The following DLEU7 variants were observed in gnomAD, a reference collection of about 807,000 sequenced individuals.
The protein encoded by DLEU7 is leukemia-associated protein 7.
DLEU7 carries 17 observed loss-of-function variants against 16.0 expected under a neutral mutation model. That is an observed-to-expected ratio of 1.06 (90% CI 0.73 to 1.59). The LOEUF is 1.59. Ranked by LOEUF, DLEU7 falls within the 40% of genes most tolerant of loss-of-function variation. The pLI, the probability that DLEU7 is intolerant of heterozygous loss-of-function variation, is 0.00. For missense variants in DLEU7, 308 were observed against 314.9 expected (o/e 0.98, Z 0.17); for synonymous variants, 113 against 139.8 (o/e 0.81, Z 1.35).
chr13:50,758,376 C>T (rs185073181), intron 1 of DLEU7, among the ~76,000 whole-genome samples: 1 of 136,774 alleles, frequency 7.3e-6, no homozygotes, highest in East Asian at 2.0e-4. Context: ...CCTTATTTCA[C>T]TCTTGTATTA....
chr13:50,804,932 A>AT (rs934433337), intron 1 of DLEU7, among the ~76,000 whole-genome samples: 3 of 151,754 alleles, frequency 2.0e-5, no homozygotes, highest in Non-Finnish European at 1.5e-5. Flanking sequence ...TTGTTCTAAT[A>AT]TTTTTTTTCA....
At chr13:50,748,900 T>C (rs1002133329) in intron 1 of DLEU7, among the ~76,000 whole-genome samples, 16 of 152,204 alleles carry the variant, frequency 1.1e-4, no homozygotes, top group African/African-American at 3.9e-4. Flanking sequence ...CATGCTTTTT[T>C]TTCCCCATAG....
intron 1 of DLEU7, among the ~76,000 whole-genome samples, chr13:50,734,451 A>T (rs1178170227): frequency 6.6e-6 from 1 of 152,002 alleles, no homozygotes; most frequent in East Asian, 1.9e-4. Context: ...GTTTTTTGTT[A>T]TTTCCATTCT....
At chr13:50,826,054 C>A (rs1236814782) in intron 1 of DLEU7, among the ~76,000 whole-genome samples, 1 of 148,784 alleles carries the variant, frequency 6.7e-6, no homozygotes, top group African/African-American at 2.5e-5. Context: ...GTTCCCCACC[C>A]GGTGTCCAGG....
At chr13:50,792,812 A>G (rs559231601) in intron 1 of DLEU7, among the ~76,000 whole-genome samples, 29 of 150,670 alleles carry the variant, frequency 1.9e-4, no homozygotes, top group African/African-American at 6.6e-4. Context: ...CTCTCTTCAC[A>G]TAGATTAGTT....
intron 1 of DLEU7, chr13:50,713,331 A>T (rs1319187476): frequency 6.8e-7 from 1 of 1,471,058 alleles, no homozygotes; most frequent in African/African-American, 1.4e-5. Context: ...ACTATATTGC[A>T]TTTTAGGAAT....
At chr13:50,814,678 TACAC>T (rs59737244) in intron 1 of DLEU7, among the ~76,000 whole-genome samples, 10,629 of 140,192 alleles carry the variant, frequency 0.076, 1,052 homozygotes, top group African/African-American at 0.23. Flanking sequence ...TACATAGAAC[TACAC>T]ACACACACAC....
intron 1 of DLEU7, among the ~76,000 whole-genome samples, chr13:50,770,841 T>C (rs1423783078): frequency 1.3e-5 from 2 of 152,228 alleles, no homozygotes; most frequent in Admixed American, 1.3e-4. Flanking sequence ...TCAGAAGGAA[T>C]GGTACCAGCT....
At chr13:50,820,603 C>A (rs1275738575), downstream of DLEU7, among the ~76,000 whole-genome samples, 1 of 152,082 alleles carries the variant, frequency 6.6e-6, no homozygotes, top group Non-Finnish European at 1.5e-5. Context: ...CCTGTGCAAT[C>A]AGAAGCAAGC....
At chr13:50,820,479 G>T (rs1325234386), downstream of DLEU7, among the ~76,000 whole-genome samples, 1 of 152,126 alleles carries the variant, frequency 6.6e-6, no homozygotes, top group Non-Finnish European at 1.5e-5. Context: ...TTGCACAGGA[G>T]CAGGGCAGCC....
In DLEU7 at chr13:50,843,186, A is replaced by T; in HGVS notation, c.459+2T>A. ...AGAGGGGATGGCGGGGGCCAGACTCACCTTCAGGTGAATGGGAAAGGACCG... is the reference window on the plus strand; with the variant it reads ...AGAGGGGATGGCGGGGGCCAGACTCTCCTTCAGGTGAATGGGAAAGGACCG... On this transcript the variant is annotated splice_donor_variant, in intron 1 of 1. Transcript: ENST00000504404. LOFTEE classifies it high-confidence loss of function. The surrounding 1 kb of genome is among the most constrained non-coding windows in gnomAD (Gnocchi z 5.7). The T allele has an allele frequency of 6.3e-7, 1 of 1,589,528 alleles. No homozygotes were observed.
intron 1 of DLEU7, among the ~76,000 whole-genome samples, chr13:50,830,883 G>T (rs1179222746): frequency 6.6e-6 from 1 of 152,116 alleles, no homozygotes; most frequent in Non-Finnish European, 1.5e-5. Context: ...CTTGCCATCT[G>T]AATGCTGGTT....
chr13:50,778,116 G>C (rs1420083850), intron 1 of DLEU7, among the ~76,000 whole-genome samples: 1 of 152,154 alleles, frequency 6.6e-6, no homozygotes, highest in African/African-American at 2.4e-5. Flanking sequence ...AGCCTTAACA[G>C]GAAGCATGAC....
chr13:50,744,817 A>G (rs1244130035), intron 1 of DLEU7, among the ~76,000 whole-genome samples: 1 of 152,240 alleles, frequency 6.6e-6, no homozygotes, highest in Non-Finnish European at 1.5e-5. Flanking sequence ...GCACATAAAA[A>G]GATACTCAGC....
At chr13:50,786,102 G>C (rs1875787586) in intron 1 of DLEU7, among the ~76,000 whole-genome samples, 1 of 152,116 alleles carries the variant, frequency 6.6e-6, no homozygotes, top group Non-Finnish European at 1.5e-5. Flanking sequence ...ACATCATTTT[G>C]CTTGTGTGGT....
intron 1 of DLEU7, among the ~76,000 whole-genome samples, chr13:50,792,050 C>T (rs1593397393): frequency 6.6e-6 from 1 of 152,188 alleles, no homozygotes; most frequent in East Asian, 1.9e-4. Context: ...AAGTTTCTTT[C>T]ATACATGAGC....
chr13:50,740,473 A>C (rs1874224319), intron 1 of DLEU7, among the ~76,000 whole-genome samples: 1 of 152,114 alleles, frequency 6.6e-6, no homozygotes, highest in South Asian at 2.1e-4. Flanking sequence ...AGTTCTGCCT[A>C]CTCCCATGAC....
chr13:50,765,353 C>G (rs187528364), intron 1 of DLEU7, among the ~76,000 whole-genome samples: 1 of 151,572 alleles, frequency 6.6e-6, no homozygotes, highest in African/African-American at 2.4e-5. Flanking sequence ...CTTTAGAAAG[C>G]GAAGCCTGAA....
intron 1 of DLEU7, among the ~76,000 whole-genome samples, chr13:50,790,566 C>T (rs560455313): frequency 3.9e-5 from 6 of 152,148 alleles, no homozygotes; most frequent in East Asian, 3.9e-4. Flanking sequence ...GAGGAATCCT[C>T]GGTCTCTCAC....
Sources: gnomAD v4.1 joint callset for allele counts (sites outside exome capture counted in the v4.1 genomes callset) on GRCh38, gnomAD v4.1.1 for gene constraint, Gnocchi (gnomAD v3.1) non-coding constraint, MANE v1.5 for transcripts, NCBI Gene and HGNC (gene_info 2026-07-23, HGNC 2026-07-21) for gene names.